The following ZSCAN32 variants were observed in gnomAD, a reference collection of about 807,000 sequenced individuals.
ZSCAN32 encodes the protein zinc finger and SCAN domain-containing protein 32.
In ZSCAN32, 52 loss-of-function variants were observed where a neutral mutation model predicts 47.4. The ratio of observed to expected loss-of-function variants is 1.10; its 90% CI spans 0.88 to 1.38. The LOEUF is 1.38. ZSCAN32 is among the 40% of genes most tolerant of loss of function. The probability of loss-of-function intolerance (pLI) is 0.00; values close to 1 mark genes in which losing one functional copy is unlikely to be tolerated. For missense variants in ZSCAN32, 959 were observed against 846.0 expected, an observed-to-expected ratio of 1.13 and a Z score of -1.66; for synonymous variants, 346 against 305.7, an observed-to-expected ratio of 1.13 and a Z score of -1.38.
At position 3,396,488 on chromosome 16, in the gene ZSCAN32, C is replaced by G. The variant is rs531219601; in HGVS notation, c.366+704G>C. 2.0e-5 allele frequency among the ~76,000 whole-genome samples: 3 copies of G among 152,310 alleles called. No homozygotes were observed. In the East Asian group the frequency reaches 5.8e-4, roughly 29 times the overall value. ...AGCAAGCTGCTTCCTGCTCTGATCACAGACCCACTCAGGCTGACCAACGTT... is the reference window on the plus strand; with the variant it reads ...AGCAAGCTGCTTCCTGCTCTGATCAGAGACCCACTCAGGCTGACCAACGTT... On this transcript the variant is annotated intron_variant, in intron 2 of 6. Coordinates refer to ENST00000396852, the MANE Select transcript of ZSCAN32 (RefSeq NM_001284527.2).
chr16:3,384,813 G>C lies in ZSCAN32; in HGVS notation c.880C>G (p.Leu294Val), dbSNP rs1309382615. Residue 294 changes from leucine to valine, a missense_variant, in exon 6 of 7, where the codon CTC (leucine) becomes GTC (valine). Transcript: ENST00000396852. ...GTCCGCAGAAAACCCTGCTCCCAGA[G>C]TCCTTCCGCCATGGCCCTGTAGATC... ...SQIYRAMAEGLWEQGFLRTPE... is the reference protein window; with the variant it reads ...SQIYRAMAEGVWEQGFLRTPE... The C allele has an allele frequency of 6.2e-7, 1 of 1,614,206 alleles. No homozygotes were observed. The highest frequency in any genetic ancestry group is 1.6e-4 in the Middle Eastern group (1 of 6,062).
intron 2 of ZSCAN32, among the ~76,000 whole-genome samples, chr16:3,396,055 A>G (rs2033342402): frequency 6.6e-6 from 1 of 152,196 alleles, no homozygotes; most frequent in Admixed American, 6.5e-5. Flanking sequence ...GGATAAGAAG[A>G]GGAGAGACCA....
At chr16:3,392,215 C>T (rs1417659052) in intron 3 of ZSCAN32, among the ~76,000 whole-genome samples, 1 of 152,112 alleles carries the variant, frequency 6.6e-6, no homozygotes, top group Non-Finnish European at 1.5e-5. Context: ...TGGGGAGCAA[C>T]TGTTTAATGG....
Position 3,383,704 on chromosome 16 carries a change from C to CAAAAAA in ZSCAN32, c.1241_1242insTTTTTT (p.Glu414delinsAspPheLeu). The CAAAAAA allele has an allele frequency of 6.4e-7, 1 of 1,567,598 alleles. No homozygotes were observed. The highest frequency in any genetic ancestry group is 1.4e-5 in the African/African-American group (1 of 72,034). On this transcript the variant is annotated protein_altering_variant, in exon 7 of 7. Coordinates refer to ENST00000396852, the MANE Select transcript of ZSCAN32 (RefSeq NM_001284527.2). ...TTTCTTTTTTAATCTCGTTCTTGAACTCAAAACCTGAAAAAAAAAAACCCC... is the reference window on the plus strand; with the variant it reads ...TTTCTTTTTTAATCTCGTTCTTGAACAAAAAATCAAAACCTGAAAAAAAAAAACCCC...
At position 3,397,615 on chromosome 16, in the gene ZSCAN32, A is replaced by C; in HGVS notation, c.-58T>G. 2.7e-6 allele frequency: 4 copies of C among 1,456,894 alleles called. No individual in the cohort carries two copies. The South Asian group carries it at 5.8e-5, about 21-fold the overall frequency. 90.2% of individuals were successfully genotyped at this position (1,456,894 alleles called of 1,614,324 possible). A position where few individuals can be genotyped will look rare whatever the true frequency, so the allele number is the denominator to read the frequency against. ...ACTTCTACCCTGGAGATCAGAGTCCATCTTTCCCACATCACTGGGAAGCCA... is the reference window on the plus strand; with the variant it reads ...ACTTCTACCCTGGAGATCAGAGTCCCTCTTTCCCACATCACTGGGAAGCCA... On this transcript the variant is annotated 5_prime_UTR_variant, in exon 2 of 7. An upstream start codon of the reference 5' UTR is lost. Coordinates refer to ENST00000396852, the MANE Select transcript of ZSCAN32 (RefSeq NM_001284527.2).
chr16:3,387,156 T>C (rs78355243), intron 5 of ZSCAN32, among the ~76,000 whole-genome samples: 1 of 152,172 alleles, frequency 6.6e-6, no homozygotes, highest in Non-Finnish European at 1.5e-5. Context: ...ATCCTACTCA[T>C]TCCTCCTGGA....
chr16:3,400,698 G>A (rs1453291168), intron 1 of ZSCAN32, among the ~76,000 whole-genome samples: 1 of 152,220 alleles, frequency 6.6e-6, no homozygotes, highest in Non-Finnish European at 1.5e-5. Flanking sequence ...AGATGAGCAG[G>A]GTCAAGGCCA....
Position 3,383,647 on chromosome 16 carries a change from T to C in ZSCAN32, c.1299A>G (p.Glu433=). Residue 433 remains glutamate, a synonymous_variant, in exon 7 of 7, where the codon GAA becomes GAG. Coordinates refer to ENST00000396852, the MANE Select transcript of ZSCAN32 (RefSeq NM_001284527.2). The part of the protein sequence containing the change: ...NLKWDDSEEV[E]INKALQRKSR... ...ACTTTCTCTGTAAAGCCTTGTTTAT[T>C]TCTACTTCCTCTGAATCATCCCATT... The C allele has an allele frequency of 6.2e-7, 1 of 1,612,074 alleles. No homozygotes were observed. The highest frequency in any genetic ancestry group is 2.2e-5 in the East Asian group (1 of 44,882).
intron 6 of ZSCAN32, 115 bp downstream of exon 6, chr16:3,384,344 A>G: frequency 1.4e-6 from 2 of 1,420,586 alleles, no homozygotes; most frequent in Non-Finnish European, 1.9e-6. Flanking sequence ...ATAGGGTCAC[A>G]CATCAAGATG....
At chr16:3,399,127 G>A (rs2033649876) in intron 1 of ZSCAN32, among the ~76,000 whole-genome samples, 1 of 152,188 alleles carries the variant, frequency 6.6e-6, no homozygotes, top group Admixed American at 6.5e-5. Context: ...GGAGGCTGAG[G>A]CAGGAGAATC....
In ZSCAN32 at chr16:3,384,401, A is replaced by T; in HGVS notation, c.1234+58T>A. The T allele has an allele frequency of 1.9e-6, 3 of 1,602,168 alleles. 1 individual carries two copies. In the South Asian group the frequency reaches 3.4e-5, roughly 18 times the overall value. ...ACAGCTCCTACTCAACTGCTAGGCT[A>T]ATGGCCTCTAAAGTGGACTTTGCCA... On this transcript the variant is annotated intron_variant, in intron 6 of 6. Coordinates refer to ENST00000396852, the MANE Select transcript of ZSCAN32 (RefSeq NM_001284527.2).
intron 6 of ZSCAN32, 121 bp from the exon 7 acceptor site, chr16:3,383,832 T>A: frequency 9.4e-7 from 1 of 1,059,250 alleles, no homozygotes. Flanking sequence ...TGTGATTAAG[T>A]CTCCTGCTAA....
In ZSCAN32 at chr16:3,390,020, G is replaced by A. The variant is rs1194299671; in HGVS notation, c.741C>T (p.His247=). 6.2e-6 allele frequency: 10 copies of A among 1,612,484 alleles called. No individual in the cohort carries two copies. Among genetic ancestry groups the A allele is most frequent in the Admixed American group, 1.7e-5 (1 of 59,784 alleles). The part of the protein sequence containing the change: ...YRGATQRKDS[H]VSLATGVPWG... ...AAGATGGATCCTTACCCAGCGAGAC[G>A]TGACTGTCCTTCCTCTGGGTGGCAC... The change falls in exon 5 of 7, where the codon CAC becomes CAT. Residue 247 remains histidine, a synonymous_variant. Coordinates refer to ENST00000396852, the MANE Select transcript of ZSCAN32 (RefSeq NM_001284527.2).
intron 3 of ZSCAN32, among the ~76,000 whole-genome samples, chr16:3,392,945 T>C (rs1351823984): frequency 4.6e-5 from 7 of 150,782 alleles, no homozygotes; most frequent in African/African-American, 1.5e-4. Context: ...TTAAGTTGGA[T>C]GGGGAAGGGG....
intron 1 of ZSCAN32, among the ~76,000 whole-genome samples, chr16:3,398,855 C>T (rs1327274728): frequency 1.3e-5 from 2 of 152,116 alleles, no homozygotes; most frequent in South Asian, 2.1e-4. Context: ...AGTGACTGTT[C>T]GGGTTTGCTG....
In ZSCAN32 at chr16:3,393,802, C is replaced by G; in HGVS notation, c.379G>C (p.Glu127Gln). Residue 127 changes from glutamate (E) to glutamine (Q), a missense_variant, in exon 3 of 7, where the codon GAG (glutamate) becomes CAG (glutamine). Transcript: ENST00000396852. The part of the protein sequence containing the change: ...RAPGQQVLDS[E>Q]KDLKVLMKEM... ...TTCATGAGTACTTTCAAGTCCTTCT[C>G]AGAATCTAGAACCTGAGAACAGACC... 1.9e-6 allele frequency: 3 copies of G among 1,549,330 alleles called. No individual in the cohort carries two copies. The highest frequency in any genetic ancestry group is 2.6e-6 in the Non-Finnish European group (3 of 1,146,136).
chr16:3,399,856 T>A (rs1302956806), intron 1 of ZSCAN32, among the ~76,000 whole-genome samples: 1 of 152,250 alleles, frequency 6.6e-6, no homozygotes, highest in African/African-American at 2.4e-5. Flanking sequence ...TCCTCCCACC[T>A]TGGCCTCCCA....
chr16:3,392,102 T>G (rs1344400103), intron 3 of ZSCAN32, among the ~76,000 whole-genome samples: 1 of 152,146 alleles, frequency 6.6e-6, no homozygotes, highest in African/African-American at 2.4e-5. Flanking sequence ...TGATACATGC[T>G]CAAAACATGA....
At position 3,383,421 on chromosome 16, in the gene ZSCAN32, A is replaced by T. The variant is rs757139441; in HGVS notation, c.1525T>A (p.Ser509Thr). 6.2e-7 allele frequency: 1 copy of T among 1,614,040 alleles called. No individual in the cohort carries two copies. The highest frequency in any genetic ancestry group is 1.1e-5 in the South Asian group (1 of 91,084). Residue 509 changes from serine (S) to threonine (T), a missense_variant, in exon 7 of 7, where the codon TCT (serine) becomes ACT (threonine). Transcript: ENST00000396852. ...CGKNCSQSVHSPHKPALKLEK... is the reference protein window; with the variant it reads ...CGKNCSQSVHTPHKPALKLEK... ...AGTTTGAGCGCTGGCTTGTGGGGAG[A>T]GTGCACACTCTGAGAGCAGTTTTTC...
Sources: allele counts gnomAD v4.1 joint callset (sites outside exome capture counted in the v4.1 genomes callset), GRCh38; gene constraint gnomAD v4.1.1; transcripts MANE v1.5; gene names NCBI Gene and HGNC (gene_info 2026-07-23, HGNC 2026-07-21).